Variants in TTC28 observed in about 807,000 individuals in gnomAD.
The protein encoded by TTC28 is tetratricopeptide repeat domain 28, also known as tetratricopeptide repeat protein 28.
Under a neutral mutation model 198.0 loss-of-function variants are expected in TTC28, and 61 were observed. That is an observed-to-expected ratio of 0.31 (90% CI 0.25 to 0.38). The LOEUF is 0.38. TTC28 is among the 10% of genes least tolerant of loss of function. TTC28 has a pLI of 1.00. For missense variants in TTC28, 2,678 were observed against 3,164.0 expected (o/e 0.85, Z 3.69); for synonymous variants, 1,171 against 1,297.8 (o/e 0.90, Z 2.10).
rs1005195264 is a variant in TTC28, at chr22:28,005,053, G to A, written c.4219-3500C>T. Among the ~76,000 whole-genome samples, 6 of 152,182 alleles carry A rather than the reference G, an allele frequency of 3.9e-5. No individual in the cohort carries two copies. The highest frequency in any genetic ancestry group is 8.8e-5 in the Non-Finnish European group (6 of 68,042). On this transcript the variant is annotated intron_variant, in intron 14 of 22. Coordinates refer to ENST00000397906, the MANE Select transcript of TTC28 (RefSeq NM_001145418.2). This position sits in a 1 kb window ranked among gnomAD's most constrained non-coding sequence, Gnocchi z 4.9. The stretch of plus-strand genomic sequence containing the variant: ...ATTCCATCAAAGACTCAGATGTTCT[G>A]ACCTCTGCAGTTTCTAGTAATGGGA...
At chr22:28,378,196 A>C (rs185870286) in intron 2 of TTC28, among the ~76,000 whole-genome samples, 1 of 152,026 alleles carries the variant, frequency 6.6e-6, no homozygotes, top group African/African-American at 2.4e-5. Flanking sequence ...ATACAAGAAC[A>C]TTAGCCAGGC....
chr22:28,612,946 T>C lies in TTC28; in HGVS notation c.381+16606A>G, dbSNP rs149350199. ...AACTAGAGAAGCAAGAGCAAACAAATTCAAAAACTAGCAGAAGACAAGAAA... is the reference window on the plus strand; with the variant it reads ...AACTAGAGAAGCAAGAGCAAACAAACTCAAAAACTAGCAGAAGACAAGAAA... On this transcript the variant is annotated intron_variant, in intron 2 of 22. Transcript: ENST00000397906. 4.1e-4 allele frequency among the ~76,000 whole-genome samples: 62 copies of C among 151,936 alleles called. 1 individual carries two copies. The East Asian group carries it at 9.5e-3, about 23-fold the overall frequency.
chr22:28,365,043 G>C (rs1211688427), intron 2 of TTC28, among the ~76,000 whole-genome samples: 1 of 152,176 alleles, frequency 6.6e-6, no homozygotes, highest in Non-Finnish European at 1.5e-5. Context: ...GAAAGGAAGA[G>C]TCAATCAATG....
At chr22:28,679,189 C>T (rs2052050377) in intron 1 of TTC28, among the ~76,000 whole-genome samples, 1 of 152,234 alleles carries the variant, frequency 6.6e-6, no homozygotes, top group Non-Finnish European at 1.5e-5. Context: ...TCACTCCTCA[C>T]AAACCCCACC....
intron 5 of TTC28, among the ~76,000 whole-genome samples, chr22:28,212,736 T>C (rs1364968821): frequency 3.4e-5 from 1 of 29,386 alleles, no homozygotes; most frequent in Non-Finnish European, 7.3e-5. Context: ...CTGAAACTAT[T>C]CCAATCAATA....
intron 2 of TTC28, among the ~76,000 whole-genome samples, chr22:28,537,338 TA>T (rs1282774935): frequency 2.8e-5 from 4 of 142,406 alleles, no homozygotes; most frequent in Non-Finnish European, 4.7e-5. Context: ...TAAAATAAAA[TA>T]AAAACAAGAA....
chr22:28,058,054 T>C (rs1234119361), intron 12 of TTC28, among the ~76,000 whole-genome samples: 1 of 152,138 alleles, frequency 6.6e-6, no homozygotes, highest in Non-Finnish European at 1.5e-5. Flanking sequence ...TTCCCCCAGA[T>C]TGCTTTGGAT....
At chr22:28,587,563 T>C (rs566073056) in intron 2 of TTC28, among the ~76,000 whole-genome samples, 2 of 151,974 alleles carry the variant, frequency 1.3e-5, no homozygotes, top group African/African-American at 4.8e-5. Flanking sequence ...GTACACAATC[T>C]CAGCTCACTG....
At chr22:28,470,466 A>G (rs1490973167) in intron 2 of TTC28, among the ~76,000 whole-genome samples, 1 of 152,186 alleles carries the variant, frequency 6.6e-6, no homozygotes, top group Non-Finnish European at 1.5e-5. Flanking sequence ...GAAAAGAATC[A>G]TAACTCACAG....
chr22:28,430,558 C>T (rs1163833821), intron 2 of TTC28, among the ~76,000 whole-genome samples: 2 of 152,130 alleles, frequency 1.3e-5, no homozygotes, highest in Non-Finnish European at 2.9e-5. Flanking sequence ...CAAAGATAAA[C>T]TAGTCAAATG....
At chr22:28,162,775 G>A (rs1370394264) in intron 6 of TTC28, among the ~76,000 whole-genome samples, 3 of 152,040 alleles carry the variant, frequency 2.0e-5, no homozygotes, top group Non-Finnish European at 4.4e-5. Flanking sequence ...ATAAGAAGAC[G>A]CCTGTCTCTA....
At chr22:28,336,592 T>C in intron 2 of TTC28, among the ~76,000 whole-genome samples, 1 of 152,188 alleles carries the variant, frequency 6.6e-6, no homozygotes, top group East Asian at 1.9e-4. Context: ...GAGGAATTTA[T>C]CCATTTCTTC....
chr22:28,480,395 A>C (rs944856310), intron 2 of TTC28, among the ~76,000 whole-genome samples: 2 of 152,170 alleles, frequency 1.3e-5, no homozygotes, highest in South Asian at 4.1e-4. Flanking sequence ...CGCTAATCTC[A>C]GGTCACAAAC....
chr22:28,466,820 T>TACACACACACACACACACACAC (rs58512456), intron 2 of TTC28, among the ~76,000 whole-genome samples: 2 of 143,810 alleles, frequency 1.4e-5, no homozygotes, highest in Admixed American at 7.0e-5. Context: ...TATACATACA[T>TACACACACACACACACACACAC]ACACACACAC....
chr22:28,184,360 A>G (rs1923988478), intron 5 of TTC28, among the ~76,000 whole-genome samples: 1 of 152,136 alleles, frequency 6.6e-6, no homozygotes, highest in African/African-American at 2.4e-5. Flanking sequence ...TCCTCATTAT[A>G]TTAATAAAAA....
chr22:28,019,873 G>T (rs1938522401), intron 13 of TTC28, among the ~76,000 whole-genome samples: 2 of 152,226 alleles, frequency 1.3e-5, no homozygotes, highest in South Asian at 4.1e-4. Flanking sequence ...AGCCGTGGCA[G>T]GGGCCATGCT....
In TTC28 at chr22:28,484,984, T is replaced by C. The variant is rs567154654; in HGVS notation, c.381+144568A>G. On this transcript the variant is annotated intron_variant, in intron 2 of 22. Transcript: ENST00000397906. ...TGGTTCTCAAAGTCCAGTATATTTT[T>C]ACTATCTTGTCAGTTTTCTCCCATG... Among the ~76,000 whole-genome samples, 10 of 152,348 alleles carry C rather than the reference T, an allele frequency of 6.6e-5. No homozygotes were observed. The South Asian group carries it at 1.5e-3, about 22-fold the overall frequency.
intron 1 of TTC28, chr22:28,643,132 G>C (rs763366517): frequency 6.6e-6 from 1 of 152,126 alleles, no homozygotes; most frequent in Non-Finnish European, 1.5e-5. Context: ...CCCGCTCCCA[G>C]GAGGTCACCA....
At chr22:27,991,072 G>T (rs1355205708) in intron 19 of TTC28, among the ~76,000 whole-genome samples, 1 of 152,146 alleles carries the variant, frequency 6.6e-6, no homozygotes, top group African/African-American at 2.4e-5. Context: ...AGCCAGTAGA[G>T]GCTCGGGAGG....
Sources: gnomAD v4.1 joint callset for allele counts (sites outside exome capture counted in the v4.1 genomes callset) on GRCh38, gnomAD v4.1.1 for gene constraint, Gnocchi (gnomAD v3.1) non-coding constraint, MANE v1.5 for transcripts, NCBI Gene and HGNC (gene_info 2026-07-23, HGNC 2026-07-21) for gene names.